The following ENTREP2 variants were observed in gnomAD, a reference collection of about 807,000 sequenced individuals.
The protein encoded by ENTREP2 is endosomal transmembrane epsin interactor 2.
At chr15:29,597,410 A>G in the ENTREP2 span, among the ~76,000 whole-genome samples, 1 of 151,790 alleles carries the variant, frequency 6.6e-6, no homozygotes, top group African/African-American at 2.4e-5. Flanking sequence ...CTCTACTAAA[A>G]ATACAAAATT....
the ENTREP2 span, among the ~76,000 whole-genome samples, chr15:29,213,270 G>A: frequency 1.3e-5 from 2 of 152,070 alleles, no homozygotes; most frequent in Admixed American, 1.3e-4. Flanking sequence ...ACTTGGCAAT[G>A]CGGGCTCTTT....
At chr15:29,537,244 C>A in the ENTREP2 span, among the ~76,000 whole-genome samples, 1 of 152,128 alleles carries the variant, frequency 6.6e-6, no homozygotes, top group African/African-American at 2.4e-5. Context: ...CTAAAGGAGC[C>A]AATGCCCACT....
the ENTREP2 span, among the ~76,000 whole-genome samples, chr15:29,330,650 T>C: frequency 0.01 from 1,559 of 152,252 alleles, 29 homozygotes; most frequent in African/African-American, 0.036. Context: ...TAAGGCAACA[T>C]GGCGACGAAA....
At chr15:29,225,365 C>T in the ENTREP2 span, among the ~76,000 whole-genome samples, 9 of 152,368 alleles carry the variant, frequency 5.9e-5, no homozygotes, top group African/African-American at 9.6e-5. Flanking sequence ...CACTGACTTT[C>T]GGGGATCTCC....
the ENTREP2 span, among the ~76,000 whole-genome samples, chr15:29,138,130 C>T: frequency 1.3e-5 from 2 of 152,130 alleles, no homozygotes; most frequent in African/African-American, 4.8e-5. Context: ...TAATATTTTG[C>T]AGTCTCAGGA....
the ENTREP2 span, among the ~76,000 whole-genome samples, chr15:29,352,849 A>C: frequency 1.3e-5 from 2 of 152,168 alleles, no homozygotes; most frequent in Non-Finnish European, 2.9e-5. Context: ...TCTGCCAACC[A>C]CTTGGCTCAT....
At chr15:29,390,272 G>T in the ENTREP2 span, among the ~76,000 whole-genome samples, 1 of 152,152 alleles carries the variant, frequency 6.6e-6, no homozygotes, top group African/African-American at 2.4e-5. Context: ...GAGAAAAAGG[G>T]TCATGAATCT....
the ENTREP2 span, among the ~76,000 whole-genome samples, chr15:29,348,424 G>T: frequency 6.6e-6 from 1 of 152,202 alleles, no homozygotes; most frequent in Non-Finnish European, 1.5e-5. Flanking sequence ...GCTACGTGAG[G>T]AACAATGTTC....
chr15:29,531,115 T>C, the ENTREP2 span, among the ~76,000 whole-genome samples: 2 of 152,226 alleles, frequency 1.3e-5, no homozygotes, highest in African/African-American at 4.8e-5. Context: ...AGGTAGGCTG[T>C]GTTCTACCTT....
At chr15:29,646,408 G>A in the ENTREP2 span, among the ~76,000 whole-genome samples, 1 of 152,162 alleles carries the variant, frequency 6.6e-6, no homozygotes, top group African/African-American at 2.4e-5. Flanking sequence ...GTAGGACTGG[G>A]GAGCTTGTTT....
the ENTREP2 span, among the ~76,000 whole-genome samples, chr15:29,226,701 G>A: frequency 1.3e-5 from 2 of 152,180 alleles, no homozygotes; most frequent in Non-Finnish European, 2.9e-5. Context: ...AATTGGTGTT[G>A]GCTTGGAGAC....
At chr15:29,327,780 G>A in the ENTREP2 span, among the ~76,000 whole-genome samples, 1 of 152,182 alleles carries the variant, frequency 6.6e-6, no homozygotes, top group Non-Finnish European at 1.5e-5. Context: ...GACAGTATTT[G>A]TTGTCAGTTG....
chr15:29,339,070 C>T, the ENTREP2 span, among the ~76,000 whole-genome samples: 2 of 152,216 alleles, frequency 1.3e-5, no homozygotes, highest in Admixed American at 6.5e-5. Context: ...GTGCTGACTC[C>T]TGACTCACCA....
the ENTREP2 span, among the ~76,000 whole-genome samples, chr15:29,185,229 A>G: frequency 6.6e-6 from 1 of 151,724 alleles, no homozygotes; most frequent in African/African-American, 2.4e-5. Flanking sequence ...ATTGTGCTCC[A>G]CTCCCCTGTG....
the ENTREP2 span, among the ~76,000 whole-genome samples, chr15:29,622,833 G>A: frequency 4.0e-4 from 61 of 152,320 alleles, no homozygotes; most frequent in Middle Eastern, 3.4e-3. Context: ...AGAGGCTGGC[G>A]AGGTGGCCGT....
At chr15:29,340,717 T>C in the ENTREP2 span, among the ~76,000 whole-genome samples, 5 of 152,158 alleles carry the variant, frequency 3.3e-5, no homozygotes, top group Admixed American at 1.3e-4. Flanking sequence ...CTGTTACTAA[T>C]ACATTGAAAA....
the ENTREP2 span, among the ~76,000 whole-genome samples, chr15:29,278,218 C>T: frequency 1.3e-5 from 2 of 152,018 alleles, no homozygotes; most frequent in African/African-American, 4.8e-5. Flanking sequence ...CCAAGATCTG[C>T]AGAAGAGATC....
chr15:29,386,595 T>C, the ENTREP2 span, among the ~76,000 whole-genome samples: 2 of 152,204 alleles, frequency 1.3e-5, no homozygotes, highest in Non-Finnish European at 2.9e-5. Flanking sequence ...AGGGACTAAA[T>C]GTATGTGACC....
chr15:29,420,104 A>G, the ENTREP2 span, among the ~76,000 whole-genome samples: 1 of 152,180 alleles, frequency 6.6e-6, no homozygotes, highest in Admixed American at 6.5e-5. Context: ...AAGAGAGAAC[A>G]ACCCATTGTG....
Sources: allele counts gnomAD v4.1 joint callset (sites outside exome capture counted in the v4.1 genomes callset), GRCh38; gene constraint gnomAD v4.1.1; transcripts MANE v1.5; gene names NCBI Gene and HGNC (gene_info 2026-07-23, HGNC 2026-07-21).